Variants in VPS37A observed in about 807,000 individuals in gnomAD.
VPS37A encodes VPS37A subunit of ESCRT-I.
Under a neutral mutation model 49.8 loss-of-function variants are expected in VPS37A, and 30 were observed. That is an observed-to-expected ratio of 0.60 (90% CI 0.45 to 0.82). The LOEUF is 0.82. Among genes scored for constraint, VPS37A ranks in the 40% least tolerant of loss-of-function variants. The pLI, the probability that VPS37A is intolerant of heterozygous loss-of-function variation, is 0.00. For synonymous variants in VPS37A, 195 were observed against 160.6 expected, an observed-to-expected ratio of 1.21 and a Z score of -1.62; for missense variants, 593 against 464.4, an observed-to-expected ratio of 1.28 and a Z score of -2.55.
the VPS37A span, chr8:17,313,251 G>T: frequency 6.9e-7 from 1 of 1,456,042 alleles, no homozygotes; most frequent in Non-Finnish European, 9.6e-7. Context: ...TCAGTGGTTT[G>T]CTCATCTGTC....
the VPS37A span, chr8:17,309,187 C>G: frequency 2.2e-6 from 2 of 890,854 alleles, no homozygotes; most frequent in South Asian, 3.0e-5. Flanking sequence ...ACTCAAAAAA[C>G]AAGACGATTT....
downstream of VPS37A, among the ~76,000 whole-genome samples, chr8:17,303,201 G>A (rs1394445236): frequency 6.6e-6 from 1 of 152,110 alleles, no homozygotes; most frequent in East Asian, 1.9e-4. Context: ...TAAAATATGT[G>A]TTGACTAGCT....
intron 2 of VPS37A, among the ~76,000 whole-genome samples, chr8:17,267,739 C>T (rs767575201): frequency 6.6e-6 from 1 of 152,182 alleles, no homozygotes; most frequent in Non-Finnish European, 1.5e-5. Context: ...GTTGCCCAGG[C>T]TGGACTTGAA....
downstream of VPS37A, among the ~76,000 whole-genome samples, chr8:17,303,239 C>A (rs937395999): frequency 3.9e-5 from 6 of 152,144 alleles, no homozygotes; most frequent in African/African-American, 1.2e-4. Flanking sequence ...TGCAATCCAA[C>A]TGGTCATATC....
the VPS37A span, among the ~76,000 whole-genome samples, chr8:17,320,374 A>G: frequency 2.0e-5 from 3 of 152,114 alleles, no homozygotes; most frequent in Admixed American, 1.3e-4. Context: ...ATGATGCATG[A>G]TAGCAAGACG....
intron 5 of VPS37A, 79 bp from the exon 6 acceptor site, chr8:17,276,318 T>A: frequency 8.8e-7 from 1 of 1,137,164 alleles, no homozygotes; most frequent in Admixed American, 2.1e-5. Flanking sequence ...TATAGTACAT[T>A]AAAGATTACG....
intron 11 of VPS37A, among the ~76,000 whole-genome samples, chr8:17,287,753 G>A (rs977360810): frequency 7.2e-5 from 11 of 152,052 alleles, no homozygotes; most frequent in Admixed American, 4.6e-4. Flanking sequence ...TCAGACAGCC[G>A]ATGGAGATAA....
At chr8:17,299,468 A>G, downstream of VPS37A, 1 of 174,466 alleles carries the variant, frequency 5.7e-6, no homozygotes, top group Non-Finnish European at 1.2e-5. Context: ...CAAAATATGC[A>G]TCTAGAAGTG....
At chr8:17,309,950 G>T in the VPS37A span, among the ~76,000 whole-genome samples, 1 of 152,072 alleles carries the variant, frequency 6.6e-6, no homozygotes, top group African/African-American at 2.4e-5. Flanking sequence ...AGGCAGTCCA[G>T]ATTATTATTT....
chr8:17,274,940 A>G lies in VPS37A; in HGVS notation c.624A>G (p.Thr208=), dbSNP rs746243153. The change falls in exon 5 of 12, where the codon ACA becomes ACG. Residue 208 remains threonine (T), a synonymous_variant. Coordinates refer to ENST00000324849, the MANE Select transcript of VPS37A (RefSeq NM_152415.3). ...VLSNLPLPIP[T]VDASIPTSQN... The stretch of plus-strand genomic sequence containing the variant: ...CAAATCTGCCATTACCCATTCCCAC[A>G]GTGGATGCTTCAATACCGGTTGGTA... 3.7e-6 allele frequency: 6 copies of G among 1,613,976 alleles called. No homozygotes were observed. The East Asian group carries it at 1.1e-4, about 30-fold the overall frequency.
chr8:17,265,832 C>T (rs779112629), intron 1 of VPS37A, 75 bp from the exon 2 acceptor site: 25 of 1,608,004 alleles, frequency 1.6e-5, no homozygotes, highest in Non-Finnish European at 1.9e-5. Context: ...TTAGTAGATT[C>T]TAGCACTTAA....
At chr8:17,293,118 G>A (rs1816297816) in intron 11 of VPS37A, among the ~76,000 whole-genome samples, 1 of 151,874 alleles carries the variant, frequency 6.6e-6, no homozygotes, top group Non-Finnish European at 1.5e-5. Context: ...TTTTCACATA[G>A]TCCCATGTTT....
the VPS37A span, among the ~76,000 whole-genome samples, chr8:17,310,492 C>G: frequency 1.3e-5 from 2 of 152,154 alleles, no homozygotes; most frequent in African/African-American, 2.4e-5. Context: ...GATGGAAACG[C>G]ATGTGTGCAG....
the VPS37A span, among the ~76,000 whole-genome samples, chr8:17,308,278 T>C: frequency 6.6e-6 from 1 of 152,164 alleles, no homozygotes; most frequent in Admixed American, 6.5e-5. Context: ...CTGTCTCCTA[T>C]CTTGGAGATC....
In VPS37A at chr8:17,295,724, TG is replaced by T. The variant is rs1414968971; in HGVS notation, c.*740del. On this transcript the variant is annotated 3_prime_UTR_variant, in exon 12 of 12. Transcript: ENST00000324849. The stretch of plus-strand genomic sequence containing the variant: ...AACATATATATATCTGGTAGGTTTG[TG>T]GTTGGATAGGTTTTCTAAATTCCTA... 10 of 152,256 alleles carry T rather than the reference TG, an allele frequency of 6.6e-5. No homozygotes were observed. Among genetic ancestry groups the T allele is most frequent in the African/African-American group, 2.4e-4 (10 of 41,444 alleles). The allele number at this position is 152,256 out of a possible 1,614,324, so 9.4% of individuals were successfully genotyped here. A position where few individuals can be genotyped will look rare whatever the true frequency, so the allele number is the denominator to read the frequency against.
Position 17,297,710 on chromosome 8 carries a change from T to A in VPS37A, c.*2724T>A, listed in dbSNP as rs1816796988. ...AAACACTTCCTGATTAATGTTTGAT[T>A]ATTAGATATTTTAGTCTTGTTGGGG... On this transcript the variant is annotated 3_prime_UTR_variant, in exon 12 of 12. Coordinates refer to ENST00000324849, the MANE Select transcript of VPS37A (RefSeq NM_152415.3). 6.6e-6 allele frequency: 1 copy of A among 152,068 alleles called. No individual in the cohort carries two copies. The allele number at this position is 152,068 out of a possible 1,614,324, so 9.4% of individuals were successfully genotyped here.
At chr8:17,276,281 A>G in intron 5 of VPS37A, 116 bp from the exon 6 acceptor site, 1 of 764,320 alleles carries the variant, frequency 1.3e-6, no homozygotes, top group Non-Finnish European at 2.1e-6. Context: ...TGAAGATGAA[A>G]ATATGATAAT....
At chr8:17,252,806 T>C (rs1455085484) in intron 1 of VPS37A, among the ~76,000 whole-genome samples, 1 of 152,202 alleles carries the variant, frequency 6.6e-6, no homozygotes, top group Non-Finnish European at 1.5e-5. Context: ...AACATTAACT[T>C]GTAATAAAAA....
intron 1 of VPS37A, among the ~76,000 whole-genome samples, chr8:17,262,148 C>T (rs963711937): frequency 3.9e-5 from 6 of 152,094 alleles, no homozygotes; most frequent in African/African-American, 2.4e-5. Flanking sequence ...AAGTCCGATT[C>T]TCTTACCATC....
Sources: allele counts gnomAD v4.1 joint callset (sites outside exome capture counted in the v4.1 genomes callset), GRCh38; gene constraint gnomAD v4.1.1; transcripts MANE v1.5; gene names NCBI Gene and HGNC (gene_info 2026-07-23, HGNC 2026-07-21).